PJA2: variants seen among roughly 807,000 people sequenced by gnomAD.
PJA2 encodes E3 ubiquitin-protein ligase Praja-2.
In PJA2, 25 loss-of-function variants were observed where a neutral mutation model predicts 69.3. That is an observed-to-expected ratio of 0.36 (90% CI 0.26 to 0.50). The LOEUF is 0.50. PJA2 is among the 20% of genes least tolerant of loss of function. The pLI is 0.96. For synonymous variants in PJA2, 308 were observed against 277.8 expected, an observed-to-expected ratio of 1.11 and a Z score of -1.08; for missense variants, 809 against 830.2, an observed-to-expected ratio of 0.97 and a Z score of 0.31.
At chr5:109,391,222 T>C (rs961332261) in intron 1 of PJA2, among the ~76,000 whole-genome samples, 5 of 152,180 alleles carry the variant, frequency 3.3e-5, no homozygotes, top group Admixed American at 2.0e-4. Context: ...GTTATCTTCA[T>C]ATAGCTCACC....
chr5:109,378,816 C>G lies in PJA2; in HGVS notation c.671G>C (p.Cys224Ser). 1.2e-6 allele frequency: 2 copies of G among 1,613,504 alleles called. No homozygotes were observed. Among genetic ancestry groups the G allele is most frequent in the African/African-American group, 1.3e-5 (1 of 75,042 alleles). ...CTCTTCAAACTCATCTCTTACTTCA[C>G]AGTTAAATGAGGGAACTGGTGGTGA... is the stretch of plus-strand genomic sequence containing the variant. ...GLSPPVPSFN[C>S]EVRDEFEELD... Residue 224 changes from cysteine to serine, a missense_variant, in exon 4 of 10, where the codon TGT (cysteine) becomes TCT (serine). Physicochemically the swap from Cys to Ser is moderately radical, Grantham distance 112 (BLOSUM62 -1). Transcript: ENST00000361189.
chr5:109,345,146 C>G (rs548373322), intron 7 of PJA2, among the ~76,000 whole-genome samples: 8 of 133,792 alleles, frequency 6.0e-5, no homozygotes, highest in Non-Finnish European at 9.3e-5. Flanking sequence ...GAGTTCAAGA[C>G]AGCCTGACCA....
intron 1 of PJA2, among the ~76,000 whole-genome samples, chr5:109,398,710 G>C (rs150787321): frequency 6.6e-6 from 1 of 151,310 alleles, no homozygotes; most frequent in African/African-American, 2.4e-5. Context: ...ACACCAACAC[G>C]GCACATGTAT....
chr5:109,359,514 G>A (rs943578315), intron 6 of PJA2, among the ~76,000 whole-genome samples: 1 of 152,150 alleles, frequency 6.6e-6, no homozygotes, highest in Non-Finnish European at 1.5e-5. Context: ...TTTCTGATAT[G>A]TACTGCAAAG....
At chr5:109,406,040 A>ATTTTT (rs35924063) in intron 1 of PJA2, among the ~76,000 whole-genome samples, 1 of 103,438 alleles carries the variant, frequency 9.7e-6, no homozygotes, top group Non-Finnish European at 1.9e-5. Flanking sequence ...AGACAAACCC[A>ATTTTT]TTTTTTTTTT....
chr5:109,408,570 T>C (rs1747748562), intron 1 of PJA2, among the ~76,000 whole-genome samples: 1 of 152,164 alleles, frequency 6.6e-6, no homozygotes, highest in Non-Finnish European at 1.5e-5. Context: ...CTTGTATGTG[T>C]CTAGAAGTGC....
At position 109,404,085 on chromosome 5, in the gene PJA2, C is replaced by G. The variant is rs527515128; in HGVS notation, c.-88+5757G>C. Reference sequence around the variant, plus strand: ...GACTCCATCTCAAAAACAACAACAACAACAACAACAACAACAAAAACCTCT... The same window carrying G: ...GACTCCATCTCAAAAACAACAACAAGAACAACAACAACAACAAAAACCTCT... On this transcript the variant is annotated intron_variant, in intron 1 of 9. Coordinates refer to ENST00000361189, the MANE Select transcript of PJA2 (RefSeq NM_014819.5). Among the ~76,000 whole-genome samples the G allele has an allele frequency of 2.2e-3, 329 of 151,714 alleles. 1 individual carries two copies. Among genetic ancestry groups the G allele is most frequent in the African/African-American group, 7.6e-3 (316 of 41,356 alleles).
intron 1 of PJA2, among the ~76,000 whole-genome samples, chr5:109,393,465 C>T (rs1747328016): frequency 6.6e-6 from 1 of 152,094 alleles, no homozygotes; most frequent in Admixed American, 6.5e-5. Context: ...TATGGTTAAG[C>T]AGTCCATCTT....
chr5:109,409,476 T>C lies in PJA2; in HGVS notation c.-88+366A>G, dbSNP rs1490268729. On this transcript the variant is annotated intron_variant, in intron 1 of 9. Transcript: ENST00000361189. ...GCAAACTCTTGTACAGTGGCGAGTG[T>C]AGGGGAAAGCCAGCGGGCTCCTTGG... 2.6e-5 allele frequency among the ~76,000 whole-genome samples: 4 copies of C among 152,056 alleles called. No homozygotes were observed. The East Asian group carries it at 7.7e-4, about 29-fold the overall frequency.
intron 1 of PJA2, among the ~76,000 whole-genome samples, chr5:109,401,241 G>A (rs1401030214): frequency 3.3e-5 from 5 of 152,178 alleles, no homozygotes; most frequent in East Asian, 1.9e-4. Flanking sequence ...CTGAGATGGC[G>A]CCATTGCACT....
rs996371509 is a variant in PJA2, at chr5:109,336,020, G to T, written c.*1211C>A. On this transcript the variant is annotated 3_prime_UTR_variant, in exon 10 of 10. Transcript: ENST00000361189. ...TCATTTATTTTTAAGAATGAAAAAAGGAGACGGGATATAAATACTCAGAGA... is the reference window on the plus strand; with the variant it reads ...TCATTTATTTTTAAGAATGAAAAAATGAGACGGGATATAAATACTCAGAGA... 1.3e-5 allele frequency: 2 copies of T among 152,712 alleles called. No homozygotes were observed. Among genetic ancestry groups the T allele is most frequent in the South Asian group, 4.1e-4 (2 of 4,828 alleles). The allele number at this position is 152,712 out of a possible 1,614,324, so 9.5% of individuals were successfully genotyped here. A position where few individuals can be genotyped will look rare whatever the true frequency, so the allele number is the denominator to read the frequency against.
At position 109,348,886 on chromosome 5, in the gene PJA2, T is replaced by A. The variant is rs182325204; in HGVS notation, c.1765-4067A>T. Among the ~76,000 whole-genome samples the A allele has an allele frequency of 1.2e-4, 18 of 152,320 alleles. No homozygotes were observed. In the East Asian group the frequency reaches 3.5e-3, roughly 29 times the overall value. On this transcript the variant is annotated intron_variant, in intron 7 of 9. Coordinates refer to ENST00000361189, the MANE Select transcript of PJA2 (RefSeq NM_014819.5). ...ATTTTATGTGCTTGTTTTATGTATC[T>A]GCTTATTTATATATGTTAACAGTTT... is the stretch of plus-strand genomic sequence containing the variant.
At chr5:109,381,900 GAGTT>G (rs1213240104) in intron 2 of PJA2, among the ~76,000 whole-genome samples, 197 bp from the exon 3 acceptor site, 6 of 152,020 alleles carry the variant, frequency 3.9e-5, no homozygotes, top group African/African-American at 9.7e-5. Context: ...TATATAATAA[GAGTT>G]AGTGGCCTTT....
chr5:109,393,880 T>C (rs79776060), intron 1 of PJA2, among the ~76,000 whole-genome samples: 2,260 of 152,202 alleles, frequency 0.015, 52 homozygotes, highest in African/African-American at 0.052. Context: ...TGCTGTATGT[T>C]CCATTTTTAT....
intron 7 of PJA2, among the ~76,000 whole-genome samples, chr5:109,353,667 C>G (rs1435284273): frequency 6.8e-6 from 1 of 146,092 alleles, no homozygotes; most frequent in Non-Finnish European, 1.5e-5. Context: ...CCTATTATAT[C>G]TACAGACATC....
intron 1 of PJA2, among the ~76,000 whole-genome samples, chr5:109,384,301 T>A (rs1747113319): frequency 6.6e-6 from 1 of 152,244 alleles, no homozygotes; most frequent in Admixed American, 6.5e-5. Context: ...TTAATGTGTG[T>A]AAATAATGAT....
intron 4 of PJA2, among the ~76,000 whole-genome samples, chr5:109,370,067 A>T (rs1166341835): frequency 1.3e-5 from 2 of 151,656 alleles, no homozygotes; most frequent in African/African-American, 4.8e-5. Context: ...CAGCACAGAA[A>T]ATTACTTTTG....
intron 1 of PJA2, among the ~76,000 whole-genome samples, chr5:109,402,493 C>G (rs892248543): frequency 1.3e-5 from 2 of 152,012 alleles, no homozygotes; most frequent in African/African-American, 4.8e-5. Context: ...TTTAACAATC[C>G]TAAATTTACA....
At chr5:109,341,258 T>A (rs1225414558) in intron 9 of PJA2, among the ~76,000 whole-genome samples, 1 of 143,788 alleles carries the variant, frequency 7.0e-6, no homozygotes, top group Non-Finnish European at 1.5e-5. Flanking sequence ...CGGCCGCCCA[T>A]CCTCTGAGAT....
Sources: allele counts gnomAD v4.1 joint callset (sites outside exome capture counted in the v4.1 genomes callset), GRCh38; gene constraint gnomAD v4.1.1; transcripts MANE v1.5; gene names NCBI Gene and HGNC (gene_info 2026-07-23, HGNC 2026-07-21).